Variants in GABRG3 observed in about 807,000 individuals in gnomAD.
GABRG3 encodes the protein gamma-aminobutyric acid type A receptor subunit gamma3, also known as gamma-aminobutyric acid receptor subunit gamma-3.
In GABRG3, 25 loss-of-function variants were observed where a neutral mutation model predicts 48.8. The observed-to-expected ratio is 0.51, with a 90% CI of 0.37 to 0.72. The LOEUF (loss-of-function observed/expected upper bound fraction) is 0.72, where lower values mean the gene tolerates loss of function less well. GABRG3 is among the 30% of genes least tolerant of loss of function. The pLI is 0.00. For synonymous variants in GABRG3, 227 were observed against 217.6 expected, an observed-to-expected ratio of 1.04 and a Z score of -0.38; for missense variants, 394 against 577.9, an observed-to-expected ratio of 0.68 and a Z score of 3.26.
At chr15:27,393,292 T>C (rs1026790882) in intron 5 of GABRG3, among the ~76,000 whole-genome samples, 3 of 147,108 alleles carry the variant, frequency 2.0e-5, no homozygotes, top group South Asian at 2.1e-4. Flanking sequence ...TGCAGTGAGC[T>C]GAGATCACAT....
At chr15:27,119,096 G>A (rs1043557508) in intron 3 of GABRG3, among the ~76,000 whole-genome samples, 8 of 152,086 alleles carry the variant, frequency 5.3e-5, no homozygotes, top group African/African-American at 1.9e-4. Flanking sequence ...CCTGTACCCG[G>A]AGGAAAGGTA....
At chr15:27,278,754 A>T (rs558797593) in intron 3 of GABRG3, among the ~76,000 whole-genome samples, 1 of 152,208 alleles carries the variant, frequency 6.6e-6, no homozygotes, top group Non-Finnish European at 1.5e-5. Context: ...TGCTGTGTAT[A>T]GGTTTTTGTA....
At chr15:27,145,217 T>G (rs1033281637) in intron 3 of GABRG3, among the ~76,000 whole-genome samples, 6 of 152,240 alleles carry the variant, frequency 3.9e-5, no homozygotes, top group African/African-American at 1.4e-4. Context: ...GTTCAGTCAT[T>G]GGACTTCTTA....
At chr15:27,369,100 G>A (rs1018425206) in intron 5 of GABRG3, among the ~76,000 whole-genome samples, 1 of 152,172 alleles carries the variant, frequency 6.6e-6, no homozygotes, top group Non-Finnish European at 1.5e-5. Context: ...ATATTAAAAT[G>A]CACTAAGCAA....
intron 3 of GABRG3, among the ~76,000 whole-genome samples, chr15:27,083,787 A>C (rs1255547280): frequency 6.6e-6 from 1 of 152,228 alleles, no homozygotes; most frequent in African/African-American, 2.4e-5. Flanking sequence ...GTATGTGTTC[A>C]CCATGTATGT....
intron 1 of GABRG3, among the ~76,000 whole-genome samples, chr15:26,972,410 A>T (rs1221516196): frequency 1.3e-5 from 2 of 152,204 alleles, no homozygotes; most frequent in Non-Finnish European, 2.9e-5. Context: ...TGCTGTAAAC[A>T]CAACTGGAGA....
At chr15:27,421,748 C>T (rs1481340006) in intron 5 of GABRG3, among the ~76,000 whole-genome samples, 1 of 151,888 alleles carries the variant, frequency 6.6e-6, no homozygotes, top group Non-Finnish European at 1.5e-5. Context: ...TCCACCAATA[C>T]TGAGTGTTCT....
intron 3 of GABRG3, among the ~76,000 whole-genome samples, chr15:27,148,073 A>G (rs1898242297): frequency 6.6e-6 from 1 of 151,966 alleles, no homozygotes; most frequent in Non-Finnish European, 1.5e-5. Context: ...AGCTACACTG[A>G]TCAAGAGAAA....
At chr15:27,068,778 G>T (rs537788690) in intron 3 of GABRG3, among the ~76,000 whole-genome samples, 1 of 152,298 alleles carries the variant, frequency 6.6e-6, no homozygotes, top group South Asian at 2.1e-4. Context: ...ACTGAAGTGG[G>T]TGAGTTGTAT....
intron 2 of GABRG3, among the ~76,000 whole-genome samples, chr15:27,021,907 G>A (rs535733242): frequency 6.6e-6 from 1 of 152,128 alleles, no homozygotes; most frequent in Non-Finnish European, 1.5e-5. Flanking sequence ...TTTTGTAAGA[G>A]ATATTAATCA....
chr15:27,422,841 A>AAG (rs1595744786), intron 5 of GABRG3, among the ~76,000 whole-genome samples: 1 of 152,204 alleles, frequency 6.6e-6, no homozygotes, highest in Non-Finnish European at 1.5e-5. Flanking sequence ...CACAAGGCAA[A>AAG]AGAGCAGGTT....
intron 5 of GABRG3, among the ~76,000 whole-genome samples, chr15:27,449,377 G>A (rs748474015): frequency 6.6e-6 from 1 of 152,104 alleles, no homozygotes; most frequent in Non-Finnish European, 1.5e-5. Flanking sequence ...TCTGCAGAAG[G>A]TTTCCTTATC....
At chr15:27,271,835 C>T (rs2140474185) in intron 3 of GABRG3, among the ~76,000 whole-genome samples, 1 of 152,320 alleles carries the variant, frequency 6.6e-6, no homozygotes, top group Non-Finnish European at 1.5e-5. Context: ...TCTTTTCCAT[C>T]ATGCTAACTA....
chr15:27,176,114 G>C (rs772444888), intron 3 of GABRG3, among the ~76,000 whole-genome samples: 2 of 151,884 alleles, frequency 1.3e-5, no homozygotes, highest in Non-Finnish European at 2.9e-5. Flanking sequence ...AATTAAACCA[G>C]TTCCTTTTTT....
intron 6 of GABRG3, among the ~76,000 whole-genome samples, chr15:27,516,443 G>C (rs145828533): frequency 6.6e-6 from 1 of 152,240 alleles, no homozygotes; most frequent in Admixed American, 6.5e-5. Flanking sequence ...TTTCTTCTGG[G>C]GATAAAGCCC....
intron 3 of GABRG3, among the ~76,000 whole-genome samples, chr15:27,242,813 A>G (rs2140454622): frequency 6.6e-6 from 1 of 152,234 alleles, no homozygotes; most frequent in East Asian, 1.9e-4. Flanking sequence ...TTTGTTAACT[A>G]TGAGATTATT....
intron 3 of GABRG3, among the ~76,000 whole-genome samples, chr15:27,045,081 C>T (rs1896339623): frequency 1.3e-5 from 2 of 152,162 alleles, no homozygotes; most frequent in Non-Finnish European, 2.9e-5. Context: ...GTCATTAATT[C>T]ACATAACTAC....
chr15:27,526,874 C>G (rs991585496), intron 7 of GABRG3, among the ~76,000 whole-genome samples: 1 of 152,158 alleles, frequency 6.6e-6, no homozygotes, highest in Admixed American at 6.5e-5. Context: ...ACCACACAAT[C>G]TATCTAGGAG....
intron 3 of GABRG3, among the ~76,000 whole-genome samples, chr15:27,216,321 C>G (rs934423835): frequency 6.6e-6 from 1 of 152,232 alleles, no homozygotes; most frequent in African/African-American, 2.4e-5. Flanking sequence ...AAGGGAGGAT[C>G]TGCCACAAGT....
Sources: gnomAD v4.1 joint callset for allele counts (sites outside exome capture counted in the v4.1 genomes callset) on GRCh38, gnomAD v4.1.1 for gene constraint, MANE v1.5 for transcripts, NCBI Gene and HGNC (gene_info 2026-07-23, HGNC 2026-07-21) for gene names.